Variants in PRTFDC1 observed in about 807,000 individuals in gnomAD.
PRTFDC1 encodes phosphoribosyltransferase domain-containing protein 1.
In PRTFDC1, 38 loss-of-function variants were observed where a neutral mutation model predicts 34.6. That is an observed-to-expected ratio of 1.10 (90% CI 0.85 to 1.44). PRTFDC1 has a LOEUF of 1.44. PRTFDC1 is among the 40% of genes most tolerant of loss of function. The pLI, the probability that PRTFDC1 is intolerant of heterozygous loss-of-function variation, is 0.00. For missense variants in PRTFDC1, 270 were observed against 283.0 expected, an observed-to-expected ratio of 0.95 and a Z score of 0.33; for synonymous variants, 93 against 98.1, an observed-to-expected ratio of 0.95 and a Z score of 0.31.
At chr10:24,932,220 G>T (rs1012652431) in intron 3 of PRTFDC1, among the ~76,000 whole-genome samples, 2 of 151,838 alleles carry the variant, frequency 1.3e-5, no homozygotes, top group Non-Finnish European at 2.9e-5. Context: ...AAAACCAACA[G>T]TCAGTATTAT....
chr10:24,882,718 C>T (rs1848099126), intron 3 of PRTFDC1, among the ~76,000 whole-genome samples: 1 of 151,134 alleles, frequency 6.6e-6, no homozygotes, highest in South Asian at 2.1e-4. Flanking sequence ...GTTTTCCAGG[C>T]TGGTCTTGGA....
chr10:24,887,994 C>T (rs896268976), intron 3 of PRTFDC1, among the ~76,000 whole-genome samples: 1 of 152,156 alleles, frequency 6.6e-6, no homozygotes, highest in Non-Finnish European at 1.5e-5. Flanking sequence ...CTCTCGGGCT[C>T]AAGCAATCCT....
chr10:24,892,331 G>A (rs531661933), intron 3 of PRTFDC1, among the ~76,000 whole-genome samples: 1 of 151,998 alleles, frequency 6.6e-6, no homozygotes, highest in Non-Finnish European at 1.5e-5. Context: ...CATACTGTTC[G>A]CCATAGTAGC....
chr10:24,897,237 C>T (rs1188360708), intron 3 of PRTFDC1, among the ~76,000 whole-genome samples: 1 of 152,120 alleles, frequency 6.6e-6, no homozygotes, highest in Non-Finnish European at 1.5e-5. Context: ...AACCATCCCC[C>T]AGATGGAGAG....
At chr10:24,897,489 T>G (rs1035462536) in intron 3 of PRTFDC1, among the ~76,000 whole-genome samples, 4 of 152,214 alleles carry the variant, frequency 2.6e-5, no homozygotes, top group African/African-American at 9.6e-5. Context: ...ATGTGATGTT[T>G]TGGCAAAACC....
chr10:24,867,279 C>G (rs1847796569), intron 4 of PRTFDC1, among the ~76,000 whole-genome samples: 1 of 152,118 alleles, frequency 6.6e-6, no homozygotes, highest in African/African-American at 2.4e-5. Context: ...TCTGTCACGG[C>G]TCCTTTTGAT....
At chr10:24,857,428 G>A (rs1847598678) in intron 5 of PRTFDC1, among the ~76,000 whole-genome samples, 1 of 152,172 alleles carries the variant, frequency 6.6e-6, no homozygotes. Flanking sequence ...CCCACTCAAT[G>A]GGGGATTCTA....
intron 3 of PRTFDC1, among the ~76,000 whole-genome samples, chr10:24,886,017 G>C (rs973963828): frequency 4.6e-5 from 7 of 152,138 alleles, no homozygotes; most frequent in Non-Finnish European, 7.3e-5. Flanking sequence ...AAAAACACAG[G>C]ATTTTCAGGG....
intron 3 of PRTFDC1, chr10:24,908,950 C>T (rs908446142): frequency 2.6e-6 from 1 of 385,800 alleles, no homozygotes; most frequent in Non-Finnish European, 4.6e-6. Context: ...CTAAACAAGG[C>T]ATCCAACCTT....
Position 24,941,490 on chromosome 10 carries a change from C to T in PRTFDC1, c.155+840G>A, listed in dbSNP as rs78554239. 4.1e-3 allele frequency among the ~76,000 whole-genome samples: 623 copies of T among 152,042 alleles called. 7 individuals are homozygous for T. Among genetic ancestry groups the T allele is most frequent in the African/African-American group, 0.014 (565 of 41,464 alleles). On this transcript the variant is annotated intron_variant, in intron 2 of 8. Coordinates refer to ENST00000320152, the MANE Select transcript of PRTFDC1 (RefSeq NM_020200.7). ...TCTGGAGTAGCCTGGATTACAGGTG[C>T]ATGCCATAGCCCCTGGCTTATAAAT...
chr10:24,895,719 A>C (rs1342554412), intron 3 of PRTFDC1, among the ~76,000 whole-genome samples: 4 of 138,972 alleles, frequency 2.9e-5, no homozygotes, highest in South Asian at 2.2e-4. Flanking sequence ...ATATATATAT[A>C]TATATATATC....
intron 1 of PRTFDC1, among the ~76,000 whole-genome samples, chr10:24,945,682 C>T (rs1446125871): frequency 6.6e-6 from 1 of 152,156 alleles, no homozygotes; most frequent in Non-Finnish European, 1.5e-5. Flanking sequence ...GTCTCAAACT[C>T]CTGGCCTGAA....
rs187217420 is a variant in PRTFDC1, at chr10:24,916,219, C to T, written c.339+20965G>A. 3.1e-3 allele frequency among the ~76,000 whole-genome samples: 469 copies of T among 152,294 alleles called. 2 individuals carry two copies. The highest frequency in any genetic ancestry group is 0.017 in the Middle Eastern group (5 of 294). ...CAGAAATCCAAATACTGCTCACCAG[C>T]TCCTCTGTGACCATCCAGGTTCCAG... On this transcript the variant is annotated intron_variant, in intron 3 of 8. Coordinates refer to ENST00000320152, the MANE Select transcript of PRTFDC1 (RefSeq NM_020200.7).
chr10:24,878,047 G>C (rs889868779), intron 3 of PRTFDC1, among the ~76,000 whole-genome samples: 1 of 152,048 alleles, frequency 6.6e-6, no homozygotes, highest in Admixed American at 6.6e-5. Context: ...TTGGGAGGCC[G>C]AGGCAGGTGG....
intron 3 of PRTFDC1, among the ~76,000 whole-genome samples, chr10:24,920,496 C>CA (rs1197775905): frequency 1.3e-5 from 2 of 152,154 alleles, no homozygotes; most frequent in East Asian, 3.9e-4. Context: ...AACACATGGA[C>CA]ACAAGGAGGG....
At chr10:24,951,749 A>G (rs955163236) in intron 1 of PRTFDC1, 41 of 290,070 alleles carry the variant, frequency 1.4e-4, no homozygotes, top group Non-Finnish European at 1.8e-4. Context: ...CAAGGTCAAG[A>G]ACGGGTTGGA....
chr10:24,889,133 A>G (rs881488), intron 3 of PRTFDC1, among the ~76,000 whole-genome samples: 76,102 of 151,916 alleles, frequency 0.5, 19,649 homozygotes, highest in South Asian at 0.7. Flanking sequence ...CTTGTGAATT[A>G]GGATTAGTGC....
intron 3 of PRTFDC1, among the ~76,000 whole-genome samples, chr10:24,888,883 T>C (rs762156722): frequency 6.6e-6 from 1 of 152,174 alleles, no homozygotes; most frequent in Non-Finnish European, 1.5e-5. Flanking sequence ...AAAGAAATTA[T>C]TATGATCAGC....
Position 24,855,925 on chromosome 10 carries a change from C to T in PRTFDC1, c.507-561G>A, listed in dbSNP as rs545350912. Among the ~76,000 whole-genome samples the T allele has an allele frequency of 2.6e-5, 4 of 152,044 alleles. No individual in the cohort carries two copies. The South Asian group carries it at 6.2e-4, about 24-fold the overall frequency. On this transcript the variant is annotated intron_variant, in intron 6 of 8. Coordinates refer to ENST00000320152, the MANE Select transcript of PRTFDC1 (RefSeq NM_020200.7). Reference sequence around the variant, plus strand: ...GCTCATAAGTTTGAGACCAGCCTGGCCAACATGGTGAAAACCCATCTTTAC... The same window carrying T: ...GCTCATAAGTTTGAGACCAGCCTGGTCAACATGGTGAAAACCCATCTTTAC...
Sources: allele counts gnomAD v4.1 joint callset (sites outside exome capture counted in the v4.1 genomes callset), GRCh38; gene constraint gnomAD v4.1.1; transcripts MANE v1.5; gene names NCBI Gene and HGNC (gene_info 2026-07-23, HGNC 2026-07-21).